The following LRGUK variants were observed in gnomAD, a reference collection of about 807,000 sequenced individuals.
The protein encoded by LRGUK is leucine rich repeats and guanylate kinase domain containing, also known as leucine-rich repeat and guanylate kinase domain-containing protein.
Under a neutral mutation model 76.0 loss-of-function variants are expected in LRGUK, and 65 were observed. That is an observed-to-expected ratio of 0.85 (90% confidence interval 0.70 to 1.05). The LOEUF (loss-of-function observed/expected upper bound fraction) is 1.05. LRGUK is among the 50% of genes least tolerant of loss of function. The pLI is 0.00. For synonymous variants in LRGUK, 268 were observed against 265.6 expected (o/e 1.01, Z -0.09); for missense variants, 758 against 732.8 (o/e 1.03, Z -0.40).
downstream of LRGUK, among the ~76,000 whole-genome samples, chr7:134,211,033 C>T (rs1801244715): frequency 2.0e-5 from 3 of 152,364 alleles, no homozygotes; most frequent in South Asian, 4.1e-4. Context: ...CACAGAACGA[C>T]CAGCTATGGC....
chr7:134,258,310 G>C, exon 19 of LRGUK: 6 of 1,614,028 alleles, frequency 3.7e-6, no homozygotes, highest in Non-Finnish European at 5.1e-6. Context: ...TTCTGTCCGT[G>C]GTCAAAAGAA....
chr7:134,243,387 A>G (rs1802212854), intron 16 of LRGUK, among the ~76,000 whole-genome samples: 1 of 152,234 alleles, frequency 6.6e-6, no homozygotes. Flanking sequence ...TGCAAAAATC[A>G]CAAGCATTCC....
downstream of LRGUK, among the ~76,000 whole-genome samples, chr7:134,265,554 T>C (rs1230324410): frequency 6.6e-6 from 1 of 152,192 alleles, no homozygotes; most frequent in Non-Finnish European, 1.5e-5. Flanking sequence ...AAAGGGACAG[T>C]CTCAAAAGAT....
At chr7:134,262,194 C>T (rs144709339) in intron 19 of LRGUK, among the ~76,000 whole-genome samples, 3,124 of 151,784 alleles carry the variant, frequency 0.021, 110 homozygotes, top group Admixed American at 0.094. Flanking sequence ...GCCAACATGG[C>T]GAAACCCTGT....
At chr7:134,258,468 C>G in intron 19 of LRGUK, 63 bp downstream of exon 19, 2 of 1,467,156 alleles carry the variant, frequency 1.4e-6, no homozygotes, top group Non-Finnish European at 1.9e-6. Context: ...GAGGCCGAGG[C>G]GAATGGATCT....
chr7:134,143,277 T>TGTAA (rs1797843544), intron 4 of LRGUK, 115 bp downstream of exon 4: 6 of 659,306 alleles, frequency 9.1e-6, no homozygotes, highest in Admixed American at 5.4e-5. Flanking sequence ...AGGTAAGCAA[T>TGTAA]GTAAGTGTCT....
chr7:134,220,899 G>A (rs774948304), intron 15 of LRGUK, among the ~76,000 whole-genome samples: 50 of 152,074 alleles, frequency 3.3e-4, no homozygotes, highest in Middle Eastern at 6.8e-3. Context: ...AAGCATGCAG[G>A]GGCTGTGGCT....
chr7:134,146,965 C>A (rs1286949122), intron 4 of LRGUK, among the ~76,000 whole-genome samples: 1 of 151,994 alleles, frequency 6.6e-6, no homozygotes, highest in Non-Finnish European at 1.5e-5. Flanking sequence ...TTTTGTTTAT[C>A]TTTTGTCAGC....
intron 16 of LRGUK, among the ~76,000 whole-genome samples, chr7:134,241,906 C>A (rs1802165659): frequency 6.6e-6 from 1 of 152,298 alleles, no homozygotes; most frequent in South Asian, 2.1e-4. Flanking sequence ...GAAACTCACT[C>A]AAAACTGCTC....
At chr7:134,130,287 TC>T (rs376297003) in intron 1 of LRGUK, among the ~76,000 whole-genome samples, 1,549 of 151,850 alleles carry the variant, frequency 0.01, 30 homozygotes, top group African/African-American at 0.035. Context: ...TCCACCAGCT[TC>T]CCCCCCCCCC....
intron 17 of LRGUK, 71 bp downstream of exon 17, chr7:134,247,715 T>G: frequency 1.6e-6 from 2 of 1,221,602 alleles, no homozygotes; most frequent in Non-Finnish European, 2.4e-6. Context: ...GAATCCTAAA[T>G]CGTGAACATA....
chr7:134,151,324 C>T (rs1798215569), intron 5 of LRGUK, among the ~76,000 whole-genome samples: 4 of 151,876 alleles, frequency 2.6e-5, no homozygotes, highest in Admixed American at 2.6e-4. Flanking sequence ...ACAAAAATTC[C>T]TAGAAAAATA....
chr7:134,221,240 C>T (rs1397941040), intron 15 of LRGUK, among the ~76,000 whole-genome samples: 2 of 152,144 alleles, frequency 1.3e-5, no homozygotes, highest in East Asian at 3.8e-4. Flanking sequence ...CTATTTACTC[C>T]TAGCCCTCTG....
At chr7:134,181,877 G>A (rs1331219441) in intron 10 of LRGUK, among the ~76,000 whole-genome samples, 1 of 152,076 alleles carries the variant, frequency 6.6e-6, no homozygotes, top group East Asian at 1.9e-4. Context: ...TTTGTCTTTA[G>A]TTCTATTTAC....
intron 19 of LRGUK, among the ~76,000 whole-genome samples, chr7:134,262,530 C>T (rs1802756673): frequency 6.6e-6 from 1 of 152,130 alleles, no homozygotes; most frequent in South Asian, 2.1e-4. Context: ...AATTCCGGCA[C>T]CCTGAGATGT....
At chr7:134,211,783 G>A (rs1046065905), downstream of LRGUK, among the ~76,000 whole-genome samples, 1 of 152,138 alleles carries the variant, frequency 6.6e-6, no homozygotes, top group Non-Finnish European at 1.5e-5. Context: ...TCTTTCGCTG[G>A]CAAATGATAG....
intron 5 of LRGUK, among the ~76,000 whole-genome samples, chr7:134,150,665 A>T (rs1289331758): frequency 2.0e-5 from 3 of 152,192 alleles, no homozygotes; most frequent in Non-Finnish European, 4.4e-5. Context: ...TTTGGCATGA[A>T]ATTGCCAAGG....
At chr7:134,189,903 C>G (rs923009962) in intron 11 of LRGUK, among the ~76,000 whole-genome samples, 1 of 152,128 alleles carries the variant, frequency 6.6e-6, no homozygotes, top group Non-Finnish European at 1.5e-5. Flanking sequence ...TGTATTAGTA[C>G]AGTTAATTCT....
chr7:134,244,978 C>T (rs911918456), intron 16 of LRGUK, among the ~76,000 whole-genome samples: 3 of 148,142 alleles, frequency 2.0e-5, no homozygotes, highest in African/African-American at 7.5e-5. Flanking sequence ...CACATGTTCT[C>T]ACTCATAGGT....
Sources: allele counts gnomAD v4.1 joint callset (sites outside exome capture counted in the v4.1 genomes callset), GRCh38; gene constraint gnomAD v4.1.1; transcripts MANE v1.5; gene names NCBI Gene and HGNC (gene_info 2026-07-23, HGNC 2026-07-21).